Variants in LRRC71 observed in about 807,000 individuals in gnomAD.
The protein encoded by LRRC71 is leucine rich repeat containing 71, also known as leucine-rich repeat-containing protein 71.
LRRC71 carries 54 observed loss-of-function variants against 66.6 expected under a neutral mutation model. That is an observed-to-expected ratio of 0.81 (90% confidence interval 0.65 to 1.02). The LOEUF (loss-of-function observed/expected upper bound fraction) is 1.02, where lower values mean the gene tolerates loss of function less well. LRRC71 is among the 50% of genes least tolerant of loss of function. The probability of loss-of-function intolerance (pLI) is 0.00; values close to 1 mark genes in which losing one functional copy is unlikely to be tolerated. For missense variants in LRRC71, 724 were observed against 718.0 expected (o/e 1.01, Z -0.10); for synonymous variants, 323 against 303.9 (o/e 1.06, Z -0.65).
chr1:156,937,139 G>A (rs760073695), downstream of LRRC71: 7 of 1,574,170 alleles, frequency 4.4e-6, no homozygotes, highest in Non-Finnish European at 5.2e-6. Context: ...AAGATCCCTG[G>A]GCCAGGACAG....
rs2101669203 is a variant in LRRC71 at position 156,932,920 on chromosome 1, C to CAAA, written c.1631_1632insAAA (p.Pro544_Ile545insAsn). The CAAA allele has an allele frequency of 5.0e-6, 8 of 1,601,758 alleles. No individual in the cohort carries two copies. The South Asian group carries it at 7.9e-5, about 16-fold the overall frequency. ...CAGGAGCTGATGTTGCCAAGGGATC[C>CAAA]CATCAAGGCCAAACTCAGGGAGGAT... is the stretch of plus-strand genomic sequence containing the variant. On this transcript the variant is annotated inframe_insertion, in exon 15 of 15. Transcript: ENST00000337428.
At chr1:156,936,704 AG>A, downstream of LRRC71, 1 of 1,261,572 alleles carries the variant, frequency 7.9e-7, no homozygotes, top group Non-Finnish European at 1.1e-6. Flanking sequence ...GTTTCACTCA[AG>A]GGGAAACCAC....
chr1:156,931,839 T>TTGAATGAA lies in LRRC71; in HGVS notation c.1330-62_1330-55dup, dbSNP rs949626847. 37 of 1,164,290 alleles carry TTGAATGAA rather than the reference T, an allele frequency of 3.2e-5. No individual in the cohort carries two copies. In the East Asian group the frequency reaches 9.3e-4, roughly 29 times the overall value. 72.1% of individuals were successfully genotyped at this position (1,164,290 alleles called of 1,614,324 possible). A position where few individuals can be genotyped will look rare whatever the true frequency, so the allele number is the denominator to read the frequency against. On this transcript the variant is annotated intron_variant, in intron 12 of 14. Transcript: ENST00000337428. ...ATAGCCGGCAGTCAAAACATGTATG[T>TTGAATGAA]TGAATGAATGAATGAATGAATGGCC...
At chr1:156,930,060 T>TTCTTTTTCTTTCTTTCTTTCTTTTTC (rs746194831) in intron 11 of LRRC71, among the ~76,000 whole-genome samples, 2 of 126,234 alleles carry the variant, frequency 1.6e-5, no homozygotes, top group African/African-American at 7.3e-5. Context: ...CTTTCTTTCT[T>TTCTTTTTCTTTCTTTCTTTCTTTTTC]TTTCTTTCTT....
rs911005235 is a variant in LRRC71, at chr1:156,920,727, C to A, written c.-77C>A. The A allele has an allele frequency of 2.9e-6, 4 of 1,396,818 alleles. No individual in the cohort carries two copies. In the Admixed American group the frequency reaches 1.3e-4, roughly 44 times the overall value. The allele number at this position is 1,396,818 out of a possible 1,614,324, so 86.5% of individuals were successfully genotyped here. On this transcript the variant is annotated 5_prime_UTR_variant, in exon 1 of 15. Coordinates refer to ENST00000337428, the MANE Select transcript of LRRC71 (RefSeq NM_144702.3). The surrounding 1 kb of genome is among the most constrained non-coding windows in gnomAD (Gnocchi z 4.9). ...AGAGATCCCCTGATTCAGCCACCCC[C>A]AGACTGAGCCCCGTAGAGTGCGTTC... is the stretch of plus-strand genomic sequence containing the variant.
chr1:156,924,821 G>T (rs12117221), intron 4 of LRRC71, 103 bp downstream of exon 4: 244,324 of 1,491,832 alleles, frequency 0.16, 21,245 homozygotes, highest in East Asian at 0.34. Context: ...TGGCGACGGT[G>T]GGGAGGTCGG....
At chr1:156,929,841 G>T (rs79112956) in intron 11 of LRRC71, 112 bp downstream of exon 11, 1 of 826,288 alleles carries the variant, frequency 1.2e-6, no homozygotes, top group Non-Finnish European at 1.9e-6. Flanking sequence ...AGCTCATCTC[G>T]CCATGCCCCT....
Position 156,932,452 on chromosome 1 carries a change from G to C in LRRC71, c.1470G>C (p.Glu490Asp). 6 of 1,613,744 alleles carry C rather than the reference G, an allele frequency of 3.7e-6. No individual in the cohort carries two copies. The South Asian group carries it at 6.6e-5, about 18-fold the overall frequency. The change falls in exon 14 of 15, where the codon GAG (glutamate) becomes GAC (aspartate). Residue 490 changes from glutamate to aspartate, a missense_variant. Transcript: ENST00000337428. ...ACCGCATCACAGAGGTGGGGCTGGA[G>C]GGCTTCCTCGCCACGGTGCAGTATC... ...IRNRITEVGL[E>D]GFLATVQYQM...
downstream of LRRC71, chr1:156,936,239 C>T (rs535258833): frequency 1.5e-5 from 12 of 781,114 alleles, no homozygotes; most frequent in African/African-American, 1.0e-4. Flanking sequence ...TTCATCAGCG[C>T]CTAAAGCCCT....
At position 156,931,715 on chromosome 1, in the gene LRRC71, C is replaced by T. The variant is rs549589448; in HGVS notation, c.1330-201C>T. Among the ~76,000 whole-genome samples, 7 of 152,180 alleles carry T rather than the reference C, an allele frequency of 4.6e-5. No individual in the cohort carries two copies. In the South Asian group the frequency reaches 1.0e-3, roughly 23 times the overall value. Reference sequence around the variant, plus strand: ...CTCTGTCAGCGCTCACTCCAGACCACGTTACTTTCACTTTCTGGCTCCTCC... The same window carrying T: ...CTCTGTCAGCGCTCACTCCAGACCATGTTACTTTCACTTTCTGGCTCCTCC... On this transcript the variant is annotated intron_variant, in intron 12 of 14. Transcript: ENST00000337428.
chr1:156,931,818 C>A (rs774889426), intron 12 of LRRC71, 98 bp from the exon 13 acceptor site: 21 of 943,206 alleles, frequency 2.2e-5, no homozygotes, highest in Non-Finnish European at 3.3e-5. Context: ...TGGACTATAG[C>A]CGGCAGTCAA....
downstream of LRRC71, among the ~76,000 whole-genome samples, chr1:156,936,493 A>ATATATATATATAT (rs1481502478): frequency 3.2e-5 from 2 of 62,400 alleles, no homozygotes; most frequent in Non-Finnish European, 5.8e-5. Flanking sequence ...AAAAAAAAAA[A>ATATATATATATAT]AAAAATATAT....
At chr1:156,937,606 T>G (rs1390855583), downstream of LRRC71, 15 of 1,209,378 alleles carry the variant, frequency 1.2e-5, no homozygotes, top group Non-Finnish European at 1.7e-5. Flanking sequence ...CAGGCAGTCC[T>G]CTCCAGACAA....
chr1:156,928,404 C>CTTCCTCTTA lies in LRRC71; in HGVS notation c.996+407_996+415dup, dbSNP rs1553188893. 1.4e-3 allele frequency among the ~76,000 whole-genome samples: 185 copies of CTTCCTCTTA among 133,354 alleles called. 1 individual carries two copies. Among genetic ancestry groups the CTTCCTCTTA allele is most frequent in the African/African-American group, 5.6e-3 (163 of 28,974 alleles). 87.5% of individuals were successfully genotyped at this position (133,354 alleles called of 152,430 possible). A position where few individuals can be genotyped will look rare whatever the true frequency, so the allele number is the denominator to read the frequency against. ...TCTTCTTCTTCTTCTTCTTCTTCTT[C>CTTCCTCTTA]TTCCTCTTATTCCTCCTCCTCCTCT... is the stretch of plus-strand genomic sequence containing the variant. On this transcript the variant is annotated intron_variant, in intron 9 of 14. Coordinates refer to ENST00000337428, the MANE Select transcript of LRRC71 (RefSeq NM_144702.3).
At chr1:156,927,839 GC>G in intron 8 of LRRC71, 23 bp downstream of exon 8, 2 of 1,612,876 alleles carry the variant, frequency 1.2e-6, no homozygotes, top group Non-Finnish European at 1.7e-6. Flanking sequence ...ATCAGGTGGG[GC>G]AGGGGCGTGG....
At chr1:156,926,821 C>T (rs958043003) in intron 5 of LRRC71, among the ~76,000 whole-genome samples, 2 of 152,156 alleles carry the variant, frequency 1.3e-5, no homozygotes. Flanking sequence ...GGCAATCTGC[C>T]CGCCTTGGCC....
In LRRC71 at chr1:156,925,008, A is replaced by G. The variant is rs1247663527; in HGVS notation, c.586A>G (p.Thr196Ala). The G allele has an allele frequency of 6.4e-7, 1 of 1,551,632 alleles. No individual in the cohort carries two copies. Among genetic ancestry groups the G allele is most frequent in the Non-Finnish European group, 8.7e-7 (1 of 1,146,974 alleles). Residue 196 changes from threonine (T) to alanine (A), a missense_variant, in exon 5 of 15, where the codon ACG (threonine) becomes GCG (alanine). Physicochemically the swap from Thr to Ala is moderately conservative, Grantham distance 58 (BLOSUM62 0). Coordinates refer to ENST00000337428, the MANE Select transcript of LRRC71 (RefSeq NM_144702.3). ...FIELLPLCSS[T>A]LRKVSLEGNP... Reference sequence around the variant, plus strand: ...CGAGCTCCTGCCTCTCTGTTCATCCACGCTCAGGTCAGCAGACTGGGAGGC... The same window carrying G: ...CGAGCTCCTGCCTCTCTGTTCATCCGCGCTCAGGTCAGCAGACTGGGAGGC...
the LRRC71 span, among the ~76,000 whole-genome samples, chr1:156,938,234 T>TG: frequency 6.6e-6 from 1 of 152,140 alleles, no homozygotes; most frequent in Non-Finnish European, 1.5e-5. Context: ...TAAGGCTGGA[T>TG]GGACAGCCAG....
downstream of LRRC71, chr1:156,937,301 C>T: frequency 6.2e-7 from 1 of 1,613,924 alleles, no homozygotes; most frequent in South Asian, 1.1e-5. Flanking sequence ...GAAGATCATG[C>T]CCACGTCCCT....
Sources: gnomAD v4.1 joint callset for allele counts (sites outside exome capture counted in the v4.1 genomes callset) on GRCh38, gnomAD v4.1.1 for gene constraint, Gnocchi (gnomAD v3.1) non-coding constraint, MANE v1.5 for transcripts, NCBI Gene and HGNC (gene_info 2026-07-23, HGNC 2026-07-21) for gene names.